Variants in PLXNA4 observed in about 807,000 individuals in gnomAD.
The protein encoded by PLXNA4 is plexin A4, also known as plexin-A4.
A neutral mutation model predicts 191.8 loss-of-function variants in PLXNA4; 44 were observed. That is an observed-to-expected ratio of 0.23 (90% confidence interval 0.18 to 0.29). The LOEUF is 0.29. PLXNA4 is among the 10% of genes least tolerant of loss of function. PLXNA4 has a pLI of 1.00. For synonymous variants in PLXNA4, 1,082 were observed against 1,009.5 expected (o/e 1.07, Z -1.36); for missense variants, 1,800 against 2,488.8 (o/e 0.72, Z 5.89).
At chr7:132,179,579 CTGCT>C (rs1796634792) in intron 20 of PLXNA4, 104 bp downstream of exon 20, 20 of 1,477,722 alleles carry the variant, frequency 1.4e-5, no homozygotes, top group Non-Finnish European at 1.5e-5. Flanking sequence ...GCTGCCCAGC[CTGCT>C]TGTTTGTATA....
chr7:132,204,384 G>A (rs1177210415), intron 10 of PLXNA4, among the ~76,000 whole-genome samples: 1 of 152,188 alleles, frequency 6.6e-6, no homozygotes, highest in Non-Finnish European at 1.5e-5. Context: ...ACCCCTACCT[G>A]GTGATTTTCT....
chr7:132,537,040 G>A (rs1370734988), intron 1 of PLXNA4, among the ~76,000 whole-genome samples: 5 of 152,224 alleles, frequency 3.3e-5, no homozygotes, highest in African/African-American at 7.2e-5. Flanking sequence ...GGGAAGCCTT[G>A]AAGCGACAGG....
At chr7:132,279,365 G>A (rs1295823426) in intron 4 of PLXNA4, among the ~76,000 whole-genome samples, 1 of 152,128 alleles carries the variant, frequency 6.6e-6, no homozygotes, top group Non-Finnish European at 1.5e-5. Flanking sequence ...ATTAAGGCTG[G>A]GCATGGTGGC....
At chr7:132,251,184 C>T (rs576257696) in intron 4 of PLXNA4, among the ~76,000 whole-genome samples, 1 of 151,952 alleles carries the variant, frequency 6.6e-6, no homozygotes, top group Admixed American at 6.6e-5. Context: ...ATCAGCTGTA[C>T]TCCTAGAATT....
At position 132,272,667 on chromosome 7, in the gene PLXNA4, C is replaced by T. The variant is rs533226282; in HGVS notation, c.1503+25424G>A. 2.0e-5 allele frequency among the ~76,000 whole-genome samples: 3 copies of T among 152,286 alleles called. No individual in the cohort carries two copies. In the East Asian group the frequency reaches 5.8e-4, roughly 29 times the overall value. The stretch of plus-strand genomic sequence containing the variant: ...TTGTTGCCCAACTCTTCAGTCTTCA[C>T]CAATCTCTCATCTTAACTTATGTCC... On this transcript the variant is annotated intron_variant, in intron 4 of 31. Transcript: ENST00000321063.
chr7:132,350,147 AG>A (rs1803423329), intron 3 of PLXNA4, among the ~76,000 whole-genome samples: 1 of 152,184 alleles, frequency 6.6e-6, no homozygotes, highest in Non-Finnish European at 1.5e-5. Flanking sequence ...ACCACAGCTG[AG>A]GTTTAAATTC....
chr7:132,146,079 C>CAAAAAAAAAAAA (rs67412588), intron 28 of PLXNA4, among the ~76,000 whole-genome samples: 2 of 48,920 alleles, frequency 4.1e-5, no homozygotes, highest in Non-Finnish European at 7.0e-5. Context: ...GACTCTGTCT[C>CAAAAAAAAAAAA]AAAAAAAAAA....
intron 2 of PLXNA4, among the ~76,000 whole-genome samples, chr7:132,638,270 C>A (rs1187588804): frequency 6.6e-6 from 1 of 152,126 alleles, no homozygotes; most frequent in Non-Finnish European, 1.5e-5. Context: ...CCCATGAGGT[C>A]ATGAGCAGAT....
rs181844411 is a variant in PLXNA4 at position 132,438,520 on chromosome 7, C to T, written c.1371+50772G>A. On this transcript the variant is annotated intron_variant, in intron 3 of 31. Transcript: ENST00000321063. ...AACAGGGAATGGCTAACTTCTCAAC[C>T]ACACACTGAATATCAAGATAGGATG... Among the ~76,000 whole-genome samples, 217 of 152,306 alleles carry T rather than the reference C, an allele frequency of 1.4e-3. 1 individual carries two copies. Among genetic ancestry groups the T allele is most frequent in the African/African-American group, 5.0e-3 (206 of 41,558 alleles).
At chr7:132,210,597 G>C (rs1193589853) in intron 10 of PLXNA4, among the ~76,000 whole-genome samples, 1 of 152,232 alleles carries the variant, frequency 6.6e-6, no homozygotes, top group Non-Finnish European at 1.5e-5. Context: ...TCTCAGGAAA[G>C]AGGATGGACA....
chr7:132,146,763 C>G (rs1795448048), intron 27 of PLXNA4, 63 bp from the exon 28 acceptor site: 1 of 1,584,642 alleles, frequency 6.3e-7, no homozygotes, highest in East Asian at 2.3e-5. Context: ...CCATCACTTA[C>G]CATGCATCCC....
At chr7:132,209,191 G>A (rs1797720015) in intron 10 of PLXNA4, among the ~76,000 whole-genome samples, 1 of 152,242 alleles carries the variant, frequency 6.6e-6, no homozygotes, top group African/African-American at 2.4e-5. Flanking sequence ...ATGGGGCCCA[G>A]TTTTATGACA....
At position 132,250,471 on chromosome 7, in the gene PLXNA4, T is replaced by C. The variant is rs553744458; in HGVS notation, c.1504-9305A>G. 9.8e-5 allele frequency among the ~76,000 whole-genome samples: 15 copies of C among 152,312 alleles called. No individual in the cohort carries two copies. In the South Asian group the frequency reaches 1.0e-3, roughly 11 times the overall value. On this transcript the variant is annotated intron_variant, in intron 4 of 31. Transcript: ENST00000321063. ...AACCTTGGCTCTACTCTAAAACCTA[T>C]CATTTCTGGATTATTGCCACAGATT...
intron 6 of PLXNA4, 152 bp downstream of exon 6, chr7:132,228,194 A>G (rs1798395887): frequency 1.0e-5 from 10 of 990,856 alleles, no homozygotes; most frequent in Non-Finnish European, 1.5e-5. Flanking sequence ...TAGACACTTA[A>G]TTCTTTGATA....
At chr7:132,529,290 A>G (rs554834151) in intron 1 of PLXNA4, among the ~76,000 whole-genome samples, 22 of 152,138 alleles carry the variant, frequency 1.4e-4, no homozygotes, top group African/African-American at 5.1e-4. Flanking sequence ...TCCCCACTCT[A>G]CCTCATATCT....
At chr7:132,637,611 T>A (rs1160666794) in intron 2 of PLXNA4, among the ~76,000 whole-genome samples, 1 of 152,236 alleles carries the variant, frequency 6.6e-6, no homozygotes, top group Non-Finnish European at 1.5e-5. Flanking sequence ...GCCATGCTTG[T>A]CTTCCAAGTC....
chr7:132,417,253 G>A (rs558829181), intron 3 of PLXNA4, among the ~76,000 whole-genome samples: 2 of 152,244 alleles, frequency 1.3e-5, no homozygotes, highest in East Asian at 3.9e-4. Context: ...TGGCAGAAAG[G>A]GCTCCTTGTC....
intron 4 of PLXNA4, among the ~76,000 whole-genome samples, chr7:132,270,859 T>C (rs1800042094): frequency 1.3e-5 from 2 of 152,140 alleles, no homozygotes; most frequent in Non-Finnish European, 2.9e-5. Context: ...GCTAAAAGAG[T>C]ACTTGTTCCA....
rs10227852 is a variant in PLXNA4 at position 132,370,570 on chromosome 7, T to C, written c.1372-72348A>G. Among the ~76,000 whole-genome samples the C allele has an allele frequency of 6.3e-3, 955 of 152,352 alleles. 5 individuals carry two copies. The highest frequency in any genetic ancestry group is 0.021 in the African/African-American group (883 of 41,582). On this transcript the variant is annotated intron_variant, in intron 3 of 31. Coordinates refer to ENST00000321063, the MANE Select transcript of PLXNA4 (RefSeq NM_020911.2). Reference sequence around the variant, plus strand: ...ATCTGTATTTGGTTAATAAAACTAGTCTTGCTCTGCCTGTATTTAGCGGTG... The same window carrying C: ...ATCTGTATTTGGTTAATAAAACTAGCCTTGCTCTGCCTGTATTTAGCGGTG...
Sources: allele counts gnomAD v4.1 joint callset (sites outside exome capture counted in the v4.1 genomes callset), GRCh38; gene constraint gnomAD v4.1.1; transcripts MANE v1.5; gene names NCBI Gene and HGNC (gene_info 2026-07-23, HGNC 2026-07-21).